Variants in PRC1 observed in about 807,000 individuals in gnomAD.
PRC1 encodes the protein protein regulator of cytokinesis 1.
PRC1 carries 54 observed loss-of-function variants against 91.2 expected under a neutral mutation model. The observed-to-expected ratio is 0.59, with a 90% confidence interval of 0.48 to 0.74. PRC1 has a LOEUF of 0.74. PRC1 is among the 30% of genes least tolerant of loss of function. PRC1 has a pLI of 0.00. For missense variants in PRC1, 727 were observed against 746.2 expected (o/e 0.97, Z 0.30); for synonymous variants, 275 against 263.6 (o/e 1.04, Z -0.42).
chr15:90,979,386 T>C, intron 7 of PRC1, 92 bp from the exon 8 acceptor site: 1 of 1,387,836 alleles, frequency 7.2e-7, no homozygotes, highest in Non-Finnish European at 9.9e-7. Context: ...TGGAAATAGA[T>C]TCTTTCCTTA....
intron 8 of PRC1, among the ~76,000 whole-genome samples, chr15:90,977,852 C>T (rs889534526): frequency 3.3e-5 from 5 of 152,142 alleles, no homozygotes; most frequent in Non-Finnish European, 7.4e-5. Flanking sequence ...TTCCAAAGTG[C>T]TGGGATTACA....
intron 14 of PRC1, 160 bp downstream of exon 14, chr15:90,968,919 T>C: frequency 6.8e-7 from 1 of 1,461,780 alleles, no homozygotes; most frequent in Non-Finnish European, 9.1e-7. Context: ...CTGTTGTGAA[T>C]GTAAATCAGA....
At chr15:90,968,156 C>G in intron 14 of PRC1, 5 of 985,450 alleles carry the variant, frequency 5.1e-6, no homozygotes, top group Non-Finnish European at 6.0e-6. Context: ...TAGGCAGGTA[C>G]ATTTAAGCCT....
intron 9 of PRC1, among the ~76,000 whole-genome samples, chr15:90,975,361 A>ATCAC (rs1316922252): frequency 1.3e-5 from 2 of 152,084 alleles, no homozygotes; most frequent in African/African-American, 4.8e-5. Context: ...GGATTACAGG[A>ATCAC]GTGAGACACC....
chr15:90,978,517 C>A (rs952640304), intron 8 of PRC1, among the ~76,000 whole-genome samples: 1 of 152,006 alleles, frequency 6.6e-6, no homozygotes, highest in Non-Finnish European at 1.5e-5. Flanking sequence ...TGTGGGAGGC[C>A]GAGGTGGGCA....
In PRC1 at chr15:90,966,510, CCA is replaced by C. The variant is rs763409701; in HGVS notation, c.*619_*620del. 3.5e-5 allele frequency: 16 copies of C among 452,234 alleles called. No homozygotes were observed. The highest frequency in any genetic ancestry group is 3.5e-4 in the East Asian group (5 of 14,246). The allele number at this position is 452,234 out of a possible 1,614,324, so 28.0% of individuals were successfully genotyped here. A position where few individuals can be genotyped will look rare whatever the true frequency, so the allele number is the denominator to read the frequency against. ...CATGTGTGTTCATACATGCATACCC[CCA>C]ACAAAGGGCAATGCACTGTGTAACA... is the stretch of plus-strand genomic sequence containing the variant. On this transcript the variant is annotated 3_prime_UTR_variant, in exon 15 of 15. Coordinates refer to ENST00000394249, the MANE Select transcript of PRC1 (RefSeq NM_003981.4).
intron 11 of PRC1, chr15:90,972,738 CA>C (rs58183366): frequency 2.4e-3 from 336 of 138,126 alleles, no homozygotes; most frequent in East Asian, 7.8e-3. Context: ...AACTCCATCT[CA>C]AAAAAAAAAA....
intron 1 of PRC1, among the ~76,000 whole-genome samples, chr15:90,994,099 C>A (rs1182398400): frequency 6.6e-6 from 1 of 152,026 alleles, no homozygotes; most frequent in Non-Finnish European, 1.5e-5. Flanking sequence ...GTGGAGGCCG[C>A]CCCGGGCCCC....
rs564051781 is a variant in PRC1 at position 90,993,694 on chromosome 15, C to T, written c.11+713G>A. Reference sequence around the variant, plus strand: ...CCGCCTAGGAAGTTATTAAAACGACCGGAAAAGAATTCCATAATCCGTTTC... The same window carrying T: ...CCGCCTAGGAAGTTATTAAAACGACTGGAAAAGAATTCCATAATCCGTTTC... On this transcript the variant is annotated intron_variant, in intron 1 of 14. Coordinates refer to ENST00000394249, the MANE Select transcript of PRC1 (RefSeq NM_003981.4). 9.2e-5 allele frequency among the ~76,000 whole-genome samples: 14 copies of T among 152,294 alleles called. No homozygotes were observed. The East Asian group carries it at 2.1e-3, about 23-fold the overall frequency.
intron 1 of PRC1, 111 bp downstream of exon 1, chr15:90,994,296 T>C (rs1190400135): frequency 6.6e-7 from 1 of 1,523,508 alleles, no homozygotes; most frequent in Non-Finnish European, 8.9e-7. Context: ...CCGACTGCCG[T>C]GACGATCTAG....
intron 12 of PRC1, 120 bp from the exon 13 acceptor site, chr15:90,969,743 C>A: frequency 2.5e-6 from 1 of 397,406 alleles, no homozygotes; most frequent in Non-Finnish European, 4.0e-6. Flanking sequence ...TAATCCTATA[C>A]TTTTTAGTTA....
At chr15:90,978,753 C>CAAA (rs869065052) in intron 8 of PRC1, among the ~76,000 whole-genome samples, 1,465 of 39,352 alleles carry the variant, frequency 0.037, 195 homozygotes, top group African/African-American at 0.096. Flanking sequence ...AACTCCACCT[C>CAAA]AAAAAAAAAA....
Position 90,974,805 on chromosome 15 carries a change from G to C in PRC1, c.1204-74C>G. On this transcript the variant is annotated intron_variant, in intron 9 of 14. Transcript: ENST00000394249. The surrounding 1 kb of genome is among the most constrained non-coding windows in gnomAD (Gnocchi z 4.6). ...AAGCCCAAATGAAATGATTTCCCTA[G>C]AGAGTGACTCCTCCTCCCCAGAGCA... The C allele has an allele frequency of 6.5e-7, 1 of 1,546,062 alleles. No individual in the cohort carries two copies.
chr15:90,979,762 G>A (rs2039034118), intron 7 of PRC1, among the ~76,000 whole-genome samples: 1 of 152,138 alleles, frequency 6.6e-6, no homozygotes, highest in South Asian at 2.1e-4. Flanking sequence ...ACCATTATAT[G>A]TCTCTGGGTT....
chr15:90,969,470 C>T lies in PRC1; in HGVS notation c.1726G>A (p.Ala576Thr). 6.2e-7 allele frequency: 1 copy of T among 1,607,116 alleles called. No homozygotes were observed. Among genetic ancestry groups the T allele is most frequent in the South Asian group, 1.1e-5 (1 of 90,232 alleles). The change falls in exon 13 of 15, where the codon GCC becomes ACC. Residue 576 changes from alanine to threonine, a missense_variant. Ala to Thr is a moderately conservative substitution (Grantham distance 58, BLOSUM62 0). Transcript: ENST00000394249. ...LQRNFSINSV[A>T]STYSEFAKDP... ...ACCGCAAACTCAGAATAGGTGCTGGCAACAGAATTAATGCTGAAGTTGCGC... is the reference window on the plus strand; with the variant it reads ...ACCGCAAACTCAGAATAGGTGCTGGTAACAGAATTAATGCTGAAGTTGCGC...
intron 14 of PRC1, chr15:90,967,941 C>G: frequency 1.0e-6 from 1 of 985,378 alleles, no homozygotes; most frequent in Non-Finnish European, 1.2e-6. Context: ...ATCTACCAAT[C>G]CCTGGGGCTG....
intron 6 of PRC1, chr15:90,980,639 C>A: frequency 2.9e-6 from 2 of 680,130 alleles, no homozygotes; most frequent in Non-Finnish European, 2.4e-6. Flanking sequence ...CCTGTCTCAG[C>A]CTCCCAAGTA....
chr15:90,983,953 C>A, intron 3 of PRC1, 65 bp downstream of exon 3: 1 of 1,579,310 alleles, frequency 6.3e-7, no homozygotes, highest in Non-Finnish European at 8.6e-7. Context: ...AGGCCCAAGT[C>A]AACGTTGCTT....
chr15:90,993,866 T>G (rs1456216562), intron 1 of PRC1, among the ~76,000 whole-genome samples: 1 of 152,180 alleles, frequency 6.6e-6, no homozygotes, highest in Non-Finnish European at 1.5e-5. Context: ...CAGGATTACT[T>G]GAAGCCAGGA....
Sources: allele counts gnomAD v4.1 joint callset (sites outside exome capture counted in the v4.1 genomes callset), GRCh38; gene constraint gnomAD v4.1.1; non-coding constraint Gnocchi (gnomAD v3.1); transcripts MANE v1.5; gene names NCBI Gene and HGNC (gene_info 2026-07-23, HGNC 2026-07-21).